Variants in NSMCE2 observed in about 807,000 individuals in gnomAD.
NSMCE2 encodes the protein E3 SUMO-protein ligase NSE2.
NSMCE2 carries 24 observed loss-of-function variants against 23.8 expected under a neutral mutation model. That is an observed-to-expected ratio of 1.01 (90% CI 0.73 to 1.42). NSMCE2 has a LOEUF of 1.42. Ranked by LOEUF, NSMCE2 falls within the 40% of genes most tolerant of loss-of-function variation. The pLI is 0.00. For missense variants in NSMCE2, 284 were observed against 296.5 expected (o/e 0.96, Z 0.31); for synonymous variants, 92 against 94.1 (o/e 0.98, Z 0.13).
At chr8:125,147,855 A>G (rs993994834) in intron 3 of NSMCE2, among the ~76,000 whole-genome samples, 2 of 152,198 alleles carry the variant, frequency 1.3e-5, no homozygotes, top group African/African-American at 4.8e-5. Context: ...AAGAACAAAA[A>G]AGAATTACGA....
At chr8:125,311,927 G>T (rs952166554) in intron 5 of NSMCE2, among the ~76,000 whole-genome samples, 1 of 151,928 alleles carries the variant, frequency 6.6e-6, no homozygotes, top group Admixed American at 6.6e-5. Context: ...AATTAGCCAG[G>T]CATGGTGGCG....
intron 5 of NSMCE2, among the ~76,000 whole-genome samples, chr8:125,213,745 C>CTTCCTTCCTTCCTTAT (rs1824460483): frequency 2.5e-5 from 1 of 40,718 alleles, no homozygotes; most frequent in African/African-American, 2.8e-4. Context: ...TCCTTCCTTC[C>CTTCCTTCCTTCCTTAT]TTCAACTGTA....
intron 5 of NSMCE2, among the ~76,000 whole-genome samples, chr8:125,258,848 T>C (rs567196079): frequency 9.2e-5 from 14 of 152,328 alleles, no homozygotes; most frequent in Non-Finnish European, 1.3e-4. Flanking sequence ...GTACAAGACA[T>C]TGTGGTCACA....
intron 5 of NSMCE2, among the ~76,000 whole-genome samples, chr8:125,329,522 A>G (rs978833937): frequency 2.0e-5 from 3 of 152,210 alleles, no homozygotes; most frequent in African/African-American, 7.2e-5. Flanking sequence ...TTTTAGTTGG[A>G]ATCCACGTCT....
intron 4 of NSMCE2, among the ~76,000 whole-genome samples, chr8:125,152,787 G>C (rs1177944170): frequency 6.6e-6 from 1 of 152,050 alleles, no homozygotes; most frequent in East Asian, 1.9e-4. Context: ...GCTGGGCGCG[G>C]TAGCTCACGC....
At chr8:125,207,029 T>C (rs1333797515) in intron 5 of NSMCE2, among the ~76,000 whole-genome samples, 1 of 152,202 alleles carries the variant, frequency 6.6e-6, no homozygotes, top group East Asian at 1.9e-4. Flanking sequence ...GAATTTCCTA[T>C]TACCAAGGAT....
At chr8:125,093,940 G>A (rs1263782653) in intron 1 of NSMCE2, among the ~76,000 whole-genome samples, 1 of 151,894 alleles carries the variant, frequency 6.6e-6, no homozygotes, top group African/African-American at 2.4e-5. Context: ...AGGACAATAG[G>A]TGCAAGCCAC....
rs1563668358 is a variant in NSMCE2, at chr8:125,130,342, C to A, written c.158-20829C>A. 4.5e-6 allele frequency: 2 copies of A among 449,090 alleles called. 1 individual carries two copies. The highest frequency in any genetic ancestry group is 3.1e-5 in the South Asian group (2 of 63,540). 27.8% of individuals were successfully genotyped at this position (449,090 alleles called of 1,614,324 possible). A position where few individuals can be genotyped will look rare whatever the true frequency, so the allele number is the denominator to read the frequency against. On this transcript the variant is annotated intron_variant, in intron 3 of 7. Transcript: ENST00000287437. Reference sequence around the variant, plus strand: ...GGCCCTAGTAGTGTTTGTCAAGTTTCTTTACTGGAAAGGTACTTTTTTCTT... The same window carrying A: ...GGCCCTAGTAGTGTTTGTCAAGTTTATTTACTGGAAAGGTACTTTTTTCTT...
intron 5 of NSMCE2, among the ~76,000 whole-genome samples, chr8:125,326,966 AAGAG>A (rs1436859170): frequency 7.5e-5 from 11 of 147,064 alleles, no homozygotes; most frequent in South Asian, 2.2e-4. Context: ...CAAAAAAAAA[AAGAG>A]AGAGAGAGAG....
At chr8:125,256,552 A>G in intron 5 of NSMCE2, among the ~76,000 whole-genome samples, 1 of 152,188 alleles carries the variant, frequency 6.6e-6, no homozygotes, top group East Asian at 1.9e-4. Context: ...GTAAGAAAAG[A>G]TTTGGCAGCC....
intron 5 of NSMCE2, among the ~76,000 whole-genome samples, chr8:125,187,082 A>G (rs555240022): frequency 6.6e-6 from 1 of 152,304 alleles, no homozygotes; most frequent in East Asian, 1.9e-4. Flanking sequence ...CTAGCTCTAA[A>G]AGCTTTAGAT....
chr8:125,093,463 C>T (rs1263297668), intron 1 of NSMCE2, among the ~76,000 whole-genome samples: 1 of 151,930 alleles, frequency 6.6e-6, no homozygotes, highest in Non-Finnish European at 1.5e-5. Flanking sequence ...CCAAGGCGGG[C>T]GGATCACTTG....
intron 1 of NSMCE2, among the ~76,000 whole-genome samples, chr8:125,095,897 AAAAAG>A (rs1205715760): frequency 2.0e-5 from 3 of 151,882 alleles, no homozygotes; most frequent in Non-Finnish European, 4.4e-5. Flanking sequence ...AAAAAAAAAA[AAAAAG>A]AAAAGAAAAT....
intron 3 of NSMCE2, among the ~76,000 whole-genome samples, chr8:125,115,397 C>T (rs1818956103): frequency 6.6e-6 from 1 of 152,176 alleles, no homozygotes; most frequent in Non-Finnish European, 1.5e-5. Flanking sequence ...CCTTTTTCTC[C>T]ACCAGTGAGA....
At chr8:125,162,081 A>C (rs1163786781) in intron 4 of NSMCE2, among the ~76,000 whole-genome samples, 1 of 152,160 alleles carries the variant, frequency 6.6e-6, no homozygotes, top group African/African-American at 2.4e-5. Context: ...TGAAATACTA[A>C]ATAGGAACTT....
chr8:125,280,946 C>G (rs188428547), intron 5 of NSMCE2, among the ~76,000 whole-genome samples: 3 of 152,330 alleles, frequency 2.0e-5, no homozygotes, highest in Non-Finnish European at 4.4e-5. Flanking sequence ...CCCTACAAAC[C>G]TACAGTCTTC....
chr8:125,204,170 T>G (rs1439930779), intron 5 of NSMCE2, among the ~76,000 whole-genome samples: 1 of 152,200 alleles, frequency 6.6e-6, no homozygotes, highest in Non-Finnish European at 1.5e-5. Context: ...GGACAAATAT[T>G]TCATGACAAA....
At chr8:125,265,409 CAGG>C (rs1252564256) in intron 5 of NSMCE2, among the ~76,000 whole-genome samples, 1 of 151,842 alleles carries the variant, frequency 6.6e-6, no homozygotes, top group Non-Finnish European at 1.5e-5. Flanking sequence ...TTTGAAGAGA[CAGG>C]AGTTCTCCGT....
chr8:125,309,248 CAAAA>C (rs111355815), intron 5 of NSMCE2, among the ~76,000 whole-genome samples: 4 of 65,524 alleles, frequency 6.1e-5, no homozygotes, highest in Admixed American at 1.6e-4. Context: ...AACTCTGTCT[CAAAA>C]AAAAAAAAAA....
Sources: allele counts gnomAD v4.1 joint callset (sites outside exome capture counted in the v4.1 genomes callset), GRCh38; gene constraint gnomAD v4.1.1; transcripts MANE v1.5; gene names NCBI Gene and HGNC (gene_info 2026-07-23, HGNC 2026-07-21).